BCR: variants seen among roughly 807,000 people sequenced by gnomAD.
BCR encodes the protein breakpoint cluster region protein.
BCR carries 58 observed loss-of-function variants against 138.6 expected under a neutral mutation model. That is an observed-to-expected ratio of 0.42 (90% CI 0.34 to 0.52). The LOEUF (loss-of-function observed/expected upper bound fraction) is 0.52, where lower values mean the gene tolerates loss of function less well. Among genes scored for constraint, BCR ranks in the 20% least tolerant of loss-of-function variants. The pLI is 0.06. For missense variants in BCR, 1,599 were observed against 1,727.2 expected, an observed-to-expected ratio of 0.93 and a Z score of 1.32; for synonymous variants, 786 against 730.1, an observed-to-expected ratio of 1.08 and a Z score of -1.23.
chr22:23,292,424 A>G, intron 14 of BCR, 117 bp from the exon 15 acceptor site: 1 of 834,592 alleles, frequency 1.2e-6, no homozygotes. Flanking sequence ...AGAAAGTTAC[A>G]ACCTTTTTTT....
At position 23,265,573 on chromosome 22, in the gene BCR, G is replaced by T. The variant is rs114959808; in HGVS notation, c.1753-2835G>T. Reference sequence around the variant, plus strand: ...CACCTCCTCCTGTGGGGCTGCACGGGCTGACTTCCCTGCTCTGGGTTGTGG... The same window carrying T: ...CACCTCCTCCTGTGGGGCTGCACGGTCTGACTTCCCTGCTCTGGGTTGTGG... On this transcript the variant is annotated intron_variant, in intron 4 of 22. Transcript: ENST00000305877. Among the ~76,000 whole-genome samples, 508 of 152,334 alleles carry T rather than the reference G, an allele frequency of 3.3e-3. 4 individuals carry two copies. The highest frequency in any genetic ancestry group is 0.012 in the African/African-American group (480 of 41,566).
intron 2 of BCR, among the ~76,000 whole-genome samples, chr22:23,258,031 C>T (rs544846064): frequency 9.2e-5 from 14 of 152,334 alleles, no homozygotes; most frequent in Middle Eastern, 6.8e-3. Flanking sequence ...CGTGGAGTCA[C>T]TGCCTACCCT....
intron 16 of BCR, among the ~76,000 whole-genome samples, chr22:23,303,371 G>A (rs886114190): frequency 3.9e-5 from 6 of 152,138 alleles, no homozygotes; most frequent in African/African-American, 1.4e-4. Context: ...CGTCATGAAG[G>A]CACCAAGAAT....
chr22:23,315,485 G>A lies in BCR; in HGVS notation c.3779G>A (p.Ser1260Asn). 4 of 1,612,892 alleles carry A rather than the reference G, an allele frequency of 2.5e-6. No individual in the cohort carries two copies. Among genetic ancestry groups the A allele is most frequent in the Non-Finnish European group, 3.4e-6 (4 of 1,179,994 alleles). Residue 1260 changes from serine (S) to asparagine (N), a missense_variant, in exon 23 of 23, where the codon AGC (serine) becomes AAC (asparagine). By Grantham distance (46) the Ser-to-Asn change is conservative. Around this residue, in one of 4 missense-constraint regions of BCR, gnomAD observed 177 missense variants for 226.4 expected, o/e 0.78. Coordinates refer to ENST00000305877, the MANE Select transcript of BCR (RefSeq NM_004327.4). ...LQLEAIPAPD[S>N]KRQSILFSTE... ...CTGGAGGCCATCCCTGCCCCGGACA[G>A]CAAGAGACAGAGCATCCTGTTCTCC... is the stretch of plus-strand genomic sequence containing the variant.
rs2072256136 is a variant in BCR at position 23,181,370 on chromosome 22, C to T, written c.410C>T (p.Ala137Val). The T allele has an allele frequency of 2.0e-6, 3 of 1,529,172 alleles. No individual in the cohort carries two copies. Among genetic ancestry groups the T allele is most frequent in the Admixed American group, 2.0e-5 (1 of 48,942 alleles). The allele number at this position is 1,529,172 out of a possible 1,614,324, so 94.7% of individuals were successfully genotyped here. ...GGGACCGCCCGCAGGCCCGGGGCAGCCGCGTCGGGGGAACGGGACGACCGG... is the reference window on the plus strand; with the variant it reads ...GGGACCGCCCGCAGGCCCGGGGCAGTCGCGTCGGGGGAACGGGACGACCGG... Reference protein sequence around the residue: ...RPGTARRPGAAASGERDDRGP... With the variant: ...RPGTARRPGAVASGERDDRGP... The change falls in exon 1 of 23, where the codon GCC becomes GTC. Residue 137 changes from alanine (A) to valine (V), a missense_variant. Physicochemically the swap from Ala to Val is moderately conservative, Grantham distance 64. Transcript: ENST00000305877.
chr22:23,194,843 A>T (rs1602000544), intron 1 of BCR, among the ~76,000 whole-genome samples: 1 of 152,166 alleles, frequency 6.6e-6, no homozygotes. Context: ...CTGGGGGCTG[A>T]GGCGATAGGA....
intron 1 of BCR, among the ~76,000 whole-genome samples, chr22:23,202,862 T>G (rs201117177): frequency 2.2e-5 from 1 of 45,632 alleles, no homozygotes; most frequent in South Asian, 6.2e-4. Flanking sequence ...TTTTGTGGGG[T>G]TTTTTTTTTG....
At chr22:23,288,551 G>C (rs571801822) in intron 12 of BCR, among the ~76,000 whole-genome samples, 1 of 150,004 alleles carries the variant, frequency 6.7e-6, no homozygotes, top group African/African-American at 2.5e-5. Flanking sequence ...CTGGGACCCT[G>C]CCACCACCCC....
At chr22:23,304,253 A>G (rs1474695308) in intron 16 of BCR, among the ~76,000 whole-genome samples, 2 of 151,662 alleles carry the variant, frequency 1.3e-5, no homozygotes, top group African/African-American at 4.8e-5. Flanking sequence ...GTTCCCAGTT[A>G]TAGCCACTCC....
intron 1 of BCR, among the ~76,000 whole-genome samples, chr22:23,195,580 G>A (rs76879619): frequency 6.6e-6 from 1 of 151,220 alleles, no homozygotes; most frequent in African/African-American, 2.4e-5. Flanking sequence ...GTGACAGAGC[G>A]AGACTGTCTC....
At chr22:23,273,303 C>T (rs571557871) in intron 7 of BCR, among the ~76,000 whole-genome samples, 170 bp downstream of exon 7, 1 of 152,256 alleles carries the variant, frequency 6.6e-6, no homozygotes, top group Non-Finnish European at 1.5e-5. Context: ...AGGGAAAGGA[C>T]AGCTCTCTCT....
At chr22:23,287,313 C>G in intron 11 of BCR, 35 bp downstream of exon 11, 1 of 1,502,724 alleles carries the variant, frequency 6.7e-7, no homozygotes, top group Non-Finnish European at 8.9e-7. Flanking sequence ...TCCTGCTCTC[C>G]TGGCCTGGGA....
intron 1 of BCR, among the ~76,000 whole-genome samples, chr22:23,184,754 A>T (rs963216282): frequency 1.3e-5 from 2 of 152,146 alleles, no homozygotes; most frequent in Non-Finnish European, 2.9e-5. Context: ...GGGCACCTTG[A>T]CACTCTGCCT....
chr22:23,287,056 C>T (rs943827606), intron 10 of BCR, 103 bp from the exon 11 acceptor site: 20 of 1,531,124 alleles, frequency 1.3e-5, no homozygotes, highest in Non-Finnish European at 1.8e-5. Context: ...GGGATTCTTG[C>T]CCTCTGCAGG....
At chr22:23,286,246 CTG>C (rs1326564325) in intron 10 of BCR, among the ~76,000 whole-genome samples, 2 of 152,212 alleles carry the variant, frequency 1.3e-5, no homozygotes, top group Non-Finnish European at 2.9e-5. Flanking sequence ...TGTTTGAAGA[CTG>C]TAAAAATGGT....
At chr22:23,224,476 T>A (rs2072864779) in intron 1 of BCR, among the ~76,000 whole-genome samples, 1 of 152,114 alleles carries the variant, frequency 6.6e-6, no homozygotes, top group Non-Finnish European at 1.5e-5. Context: ...GGGTGGTGGG[T>A]TGGCAGATGA....
At chr22:23,193,785 G>A (rs1051543930) in intron 1 of BCR, among the ~76,000 whole-genome samples, 1 of 152,216 alleles carries the variant, frequency 6.6e-6, no homozygotes, top group Non-Finnish European at 1.5e-5. Context: ...CTCTCACAGG[G>A]GTCCCTGTGG....
At chr22:23,208,941 A>G (rs796813076) in intron 1 of BCR, among the ~76,000 whole-genome samples, 15 of 152,344 alleles carry the variant, frequency 9.8e-5, no homozygotes, top group African/African-American at 3.4e-4. Context: ...TACTTTCTGT[A>G]TGGATTTGGC....
At chr22:23,223,966 C>T (rs183627685) in intron 1 of BCR, among the ~76,000 whole-genome samples, 169 of 152,320 alleles carry the variant, frequency 1.1e-3, no homozygotes, top group Non-Finnish European at 1.8e-3. Context: ...CCCAGGACCC[C>T]GTGTAGGACA....
Sources: allele counts gnomAD v4.1 joint callset (sites outside exome capture counted in the v4.1 genomes callset), GRCh38; gene constraint gnomAD v4.1.1; regional missense constraint gnomAD v4.1.1; transcripts MANE v1.5; gene names NCBI Gene and HGNC (gene_info 2026-07-23, HGNC 2026-07-21).